The following MACF1 variants were observed in gnomAD, a reference collection of about 807,000 sequenced individuals.
MACF1 encodes microtubule actin crosslinking factor 1, also known as microtubule-actin cross-linking factor 1.
In MACF1, 193 loss-of-function variants were observed where a neutral mutation model predicts 854.8. The observed-to-expected ratio is 0.23, with a 90% confidence interval of 0.20 to 0.25. MACF1 has a LOEUF of 0.25. Ranked by LOEUF, MACF1 falls within the 10% of genes least tolerant of loss-of-function variation. MACF1 has a pLI of 1.00. For synonymous variants in MACF1, 3,185 were observed against 3,226.7 expected (o/e 0.99, Z 0.44); for missense variants, 7,722 against 8,929.1 (o/e 0.86, Z 5.45).
At chr1:39,432,488 A>G in intron 66 of MACF1, 47 bp from the exon 67 acceptor site, 1 of 1,595,982 alleles carries the variant, frequency 6.3e-7, no homozygotes, top group Non-Finnish European at 8.6e-7. Flanking sequence ...TTATGTGGAG[A>G]CTTGGCTGTA....
At position 39,435,584 on chromosome 1, in the gene MACF1, C is replaced by T; in HGVS notation, c.17811C>T (p.His5937=). ...AATTAAGGGAATCTATTGCTGAACA[C>T]AAACCTCATATTGACAAACTACTAA... ...MRQLRESIAE[H]KPHIDKLLKI... is the part of the protein sequence containing the mutation. The change falls in exon 70 of 101, where the codon CAC becomes CAT. Residue 5937 remains histidine (H), a synonymous_variant. Coordinates refer to ENST00000564288, the MANE Select transcript of MACF1 (RefSeq NM_001394062.1). 1 of 1,614,032 alleles carries T rather than the reference C, an allele frequency of 6.2e-7. No homozygotes were observed. The highest frequency in any genetic ancestry group is 8.5e-7 in the Non-Finnish European group (1 of 1,179,964).
intron 70 of MACF1, among the ~76,000 whole-genome samples, chr1:39,436,877 A>G (rs1230208563): frequency 6.6e-6 from 1 of 152,222 alleles, no homozygotes. Context: ...GAAGGTAATA[A>G]TTCTTCAAGA....
At chr1:39,402,608 A>C (rs900314098) in intron 58 of MACF1, among the ~76,000 whole-genome samples, 2 of 152,292 alleles carry the variant, frequency 1.3e-5, no homozygotes, top group African/African-American at 4.8e-5. Context: ...GTGTCATGGA[A>C]GTCAAAAGAA....
chr1:39,468,981 T>C (rs1445449828), intron 96 of MACF1, among the ~76,000 whole-genome samples: 1 of 152,162 alleles, frequency 6.6e-6, no homozygotes, highest in African/African-American at 2.4e-5. Context: ...TAAGAGTGTA[T>C]TGGTGTTACT....
At chr1:39,238,223 G>A (rs1644881296) in intron 2 of MACF1, among the ~76,000 whole-genome samples, 1 of 152,186 alleles carries the variant, frequency 6.6e-6, no homozygotes, top group South Asian at 2.1e-4. Context: ...AAAAAGATGA[G>A]AAATGAAGGT....
At chr1:39,424,486 C>G (rs1643659237) in intron 61 of MACF1, among the ~76,000 whole-genome samples, 1 of 152,140 alleles carries the variant, frequency 6.6e-6, no homozygotes, top group Admixed American at 6.5e-5. Context: ...CTCCTACAGT[C>G]CAGCCGAGTT....
chr1:39,334,144 A>T lies in MACF1; in HGVS notation c.7556A>T (p.Asp2519Val), dbSNP rs1017767190. 2 of 1,614,182 alleles carry T rather than the reference A, an allele frequency of 1.2e-6. No individual in the cohort carries two copies. Among genetic ancestry groups the T allele is most frequent in the African/African-American group, 2.7e-5 (2 of 75,064 alleles). The change falls in exon 37 of 101, where the codon GAT (aspartate) becomes GTT (valine). Residue 2519 changes from aspartate to valine, a missense_variant. By Grantham distance (152) the Asp-to-Val change is radical. Transcript: ENST00000564288. ...ATATCTGGGATGAGACTTTCTGTTG[A>T]TAATGCCTTCAGACATGGCTTAATT... ...HHISGMRLSV[D>V]NAFRHGLIGE...
intron 31 of MACF1, among the ~76,000 whole-genome samples, chr1:39,320,570 A>G (rs1233122657): frequency 6.6e-6 from 1 of 152,194 alleles, no homozygotes; most frequent in African/African-American, 2.4e-5. Context: ...AAACTGTCCA[A>G]TGGCTTCATA....
At chr1:39,242,370 C>T (rs1034518407) in intron 2 of MACF1, among the ~76,000 whole-genome samples, 1 of 148,308 alleles carries the variant, frequency 6.7e-6, no homozygotes, top group Non-Finnish European at 1.5e-5. Context: ...AAAAAGCAGA[C>T]AGCAGACCCC....
intron 1 of MACF1, chr1:39,207,051 A>G (rs1405685947): frequency 1.3e-5 from 2 of 151,832 alleles, no homozygotes; most frequent in African/African-American, 4.8e-5. Context: ...CTTGTGCCTA[A>G]TAATAGTAAT....
rs371815922 is a variant in MACF1 at position 39,091,421 on chromosome 1, C to G, written c.220+6983C>G. Among the ~76,000 whole-genome samples the G allele has an allele frequency of 5.4e-4, 82 of 152,262 alleles. 1 individual carries two copies. In the South Asian group the frequency reaches 0.011, roughly 21 times the overall value. ...AAATGGGGGAGCAAGAGCACTACCT[C>G]AGAGACTTGCACAGTAGATTAAATA... On this transcript the variant is annotated intron_variant, in intron 2 of 93. Coordinates refer to the MACF1 transcript ENST00000361689.
intron 5 of MACF1, among the ~76,000 whole-genome samples, chr1:39,257,308 T>C (rs1218308956): frequency 2.0e-4 from 5 of 24,766 alleles, no homozygotes; most frequent in Non-Finnish European, 1.5e-3. Context: ...AAAAAGACAG[T>C]TTCTTTTTTT....
At chr1:39,233,134 A>G (rs1374343461) in intron 2 of MACF1, among the ~76,000 whole-genome samples, 1 of 151,728 alleles carries the variant, frequency 6.6e-6, no homozygotes, top group Non-Finnish European at 1.5e-5. Flanking sequence ...TCCTGGGTTC[A>G]AGCAATACTC....
Position 39,460,878 on chromosome 1 carries a change from C to G in MACF1, c.21523+84C>G. ...AGCTGTGATATTCTAGCTAAACAGT[C>G]TTTCTGAAGCTGGCCAGGAGCTTGG... On this transcript the variant is annotated intron_variant, in intron 92 of 100. Coordinates refer to ENST00000564288, the MANE Select transcript of MACF1 (RefSeq NM_001394062.1). The surrounding 1 kb of genome is among the most constrained non-coding windows in gnomAD (Gnocchi z 4.1). The G allele has an allele frequency of 6.7e-7, 1 of 1,492,700 alleles. No homozygotes were observed. The highest frequency in any genetic ancestry group is 9.2e-7 in the Non-Finnish European group (1 of 1,081,680). 92.5% of individuals were successfully genotyped at this position (1,492,700 alleles called of 1,614,324 possible). A position where few individuals can be genotyped will look rare whatever the true frequency, so the allele number is the denominator to read the frequency against.
chr1:39,326,435 C>G (rs527438912), intron 35 of MACF1, among the ~76,000 whole-genome samples: 1 of 152,244 alleles, frequency 6.6e-6, no homozygotes, highest in Admixed American at 6.5e-5. Context: ...AATCCCAGTA[C>G]TTTGGGAGGC....
chr1:39,178,813 G>T (rs1571140678), intron 2 of MACF1, among the ~76,000 whole-genome samples: 1 of 152,186 alleles, frequency 6.6e-6, no homozygotes. Flanking sequence ...AAGAGATCAG[G>T]TGGCTTGTGA....
chr1:39,416,476 C>G (rs1338216307), intron 58 of MACF1, among the ~76,000 whole-genome samples: 1 of 149,902 alleles, frequency 6.7e-6, no homozygotes, highest in Non-Finnish European at 1.5e-5. Context: ...AAGACCCCAT[C>G]TCTGAGAAAA....
intron 2 of MACF1, among the ~76,000 whole-genome samples, chr1:39,102,446 C>A (rs1642117421): frequency 1.4e-5 from 2 of 139,216 alleles, no homozygotes; most frequent in Non-Finnish European, 3.1e-5. Flanking sequence ...GGGGGGGGGT[C>A]AAGGAAGGCT....
Position 39,332,577 on chromosome 1 carries a change from G to A in MACF1, c.5989G>A (p.Glu1997Lys), listed in dbSNP as rs775023902. 6.8e-6 allele frequency: 11 copies of A among 1,613,988 alleles called. No individual in the cohort carries two copies. Among genetic ancestry groups the A allele is most frequent in the African/African-American group, 1.3e-5 (1 of 74,898 alleles). Residue 1997 changes from glutamate to lysine, a missense_variant, in exon 37 of 101, where the codon GAG becomes AAG. Glu to Lys is a moderately conservative substitution (Grantham distance 56). Coordinates refer to ENST00000564288, the MANE Select transcript of MACF1 (RefSeq NM_001394062.1). The stretch of plus-strand genomic sequence containing the variant: ...GATGGAGACACTAACATCCAGAGAT[G>A]AGTATCAAACAAGTCCTCCAAAAGT... ...ELMETLTSRD[E>K]YQTSPPKVVE...
Sources: gnomAD v4.1 joint callset for allele counts (sites outside exome capture counted in the v4.1 genomes callset) on GRCh38, gnomAD v4.1.1 for gene constraint, Gnocchi (gnomAD v3.1) non-coding constraint, MANE v1.5 for transcripts, NCBI Gene and HGNC (gene_info 2026-07-23, HGNC 2026-07-21) for gene names.